FAM171A1: variants seen among roughly 807,000 people sequenced by gnomAD.
FAM171A1 encodes the protein protein FAM171A1.
A neutral mutation model predicts 74.9 loss-of-function variants in FAM171A1; 23 were observed. The observed-to-expected ratio is 0.31, with a 90% CI of 0.22 to 0.44. The LOEUF is 0.44. Among genes scored for constraint, FAM171A1 ranks in the 20% least tolerant of loss-of-function variants. FAM171A1 has a pLI of 1.00. For synonymous variants in FAM171A1, 527 were observed against 505.7 expected (o/e 1.04, Z -0.57); for missense variants, 1,162 against 1,159.2 (o/e 1.00, Z -0.03).
chr10:15,272,959 C>A (rs1004921087), intron 3 of FAM171A1, among the ~76,000 whole-genome samples: 6 of 152,106 alleles, frequency 3.9e-5, no homozygotes, highest in African/African-American at 1.4e-4. Flanking sequence ...AAAATTGACA[C>A]CCTAACATCA....
rs1231853744 is a variant in FAM171A1 at position 15,334,143 on chromosome 10, T to G, written c.97+36813A>C. Among the ~76,000 whole-genome samples, 10 of 152,342 alleles carry G rather than the reference T, an allele frequency of 6.6e-5. No individual in the cohort carries two copies. The East Asian group carries it at 1.9e-3, about 29-fold the overall frequency. ...TGGCTTCATTATTCTGGCCTAAGAC[T>G]AGGACTTCTCTTTACATATCCCCTT... On this transcript the variant is annotated intron_variant, in intron 1 of 7. Transcript: ENST00000378116.
chr10:15,217,158 G>A (rs947602439), intron 6 of FAM171A1, among the ~76,000 whole-genome samples: 5 of 152,110 alleles, frequency 3.3e-5, no homozygotes, highest in African/African-American at 1.2e-4. Context: ...AATCCCAAGA[G>A]GTAGCTTAAC....
chr10:15,231,344 C>T (rs1433404665), intron 5 of FAM171A1, among the ~76,000 whole-genome samples: 1 of 152,050 alleles, frequency 6.6e-6, no homozygotes, highest in Non-Finnish European at 1.5e-5. Context: ...GCTAGGACCA[C>T]AGACACATGC....
chr10:15,267,601 CAAAAAAAAA>C (rs71390026), intron 3 of FAM171A1, among the ~76,000 whole-genome samples: 6 of 53,346 alleles, frequency 1.1e-4, no homozygotes, highest in Non-Finnish European at 1.2e-4. Flanking sequence ...GACACCATCG[CAAAAAAAAA>C]AAAAAAAAAA....
chr10:15,312,107 C>T (rs1835366192), intron 1 of FAM171A1, among the ~76,000 whole-genome samples: 1 of 152,232 alleles, frequency 6.6e-6, no homozygotes. Flanking sequence ...AAATCTCGTG[C>T]ACTTCCTATT....
intron 1 of FAM171A1, among the ~76,000 whole-genome samples, chr10:15,338,281 G>A (rs972032033): frequency 6.6e-6 from 1 of 152,034 alleles, no homozygotes; most frequent in Admixed American, 6.6e-5. Context: ...AAATCAAACC[G>A]GGAAGAGTTG....
At chr10:15,240,648 TTC>T in intron 5 of FAM171A1, 1 of 927,194 alleles carries the variant, frequency 1.1e-6, no homozygotes, top group Non-Finnish European at 1.3e-6. Context: ...GCATCTCTAG[TTC>T]TCTCTCCTAA....
intron 1 of FAM171A1, among the ~76,000 whole-genome samples, chr10:15,347,679 T>C (rs575870298): frequency 1.3e-5 from 2 of 151,346 alleles, no homozygotes; most frequent in Non-Finnish European, 2.9e-5. Flanking sequence ...CTACTAAAAA[T>C]ACAAAAATTA....
At chr10:15,364,280 C>A (rs1265733002) in intron 1 of FAM171A1, among the ~76,000 whole-genome samples, 2 of 152,118 alleles carry the variant, frequency 1.3e-5, no homozygotes, top group Non-Finnish European at 2.9e-5. Flanking sequence ...AGGAACACAG[C>A]ACACTCAATG....
chr10:15,367,998 T>G lies in FAM171A1; in HGVS notation c.97+2958A>C, dbSNP rs190085891. Among the ~76,000 whole-genome samples the G allele has an allele frequency of 3.5e-4, 53 of 152,250 alleles. 1 individual carries two copies. Among genetic ancestry groups the G allele is most frequent in the Admixed American group, 2.9e-3 (44 of 15,286 alleles). On this transcript the variant is annotated intron_variant, in intron 1 of 7. Transcript: ENST00000378116. ...TCTATTGAACCCAGCCTCATTACAG[T>G]TTTGCAAAAGAGGTGAAGAAAATCA...
At chr10:15,289,473 ACT>A (rs994628815) in intron 1 of FAM171A1, among the ~76,000 whole-genome samples, 6 of 152,062 alleles carry the variant, frequency 3.9e-5, no homozygotes, top group African/African-American at 1.4e-4. Context: ...TTGACTGCAA[ACT>A]CTGCATCTCA....
chr10:15,297,465 C>A (rs933687501), intron 1 of FAM171A1, among the ~76,000 whole-genome samples: 3 of 152,126 alleles, frequency 2.0e-5, no homozygotes, highest in Non-Finnish European at 2.9e-5. Flanking sequence ...GCAGTGCTAC[C>A]AGGATATCTC....
chr10:15,226,136 A>G (rs1588497723), intron 5 of FAM171A1, among the ~76,000 whole-genome samples: 1 of 152,252 alleles, frequency 6.6e-6, no homozygotes, highest in East Asian at 1.9e-4. Context: ...GCAGGACCCT[A>G]CAGCCTCCTC....
chr10:15,353,318 T>C lies in FAM171A1; in HGVS notation c.97+17638A>G, dbSNP rs765441262. The stretch of plus-strand genomic sequence containing the variant: ...TGACGCCGCCCTTTGGAAGCAGATA[T>C]TGACTTTTTGTATCACAATACTTGG... On this transcript the variant is annotated intron_variant, in intron 1 of 7. Transcript: ENST00000378116. Among the ~76,000 whole-genome samples the C allele has an allele frequency of 4.5e-4, 69 of 152,330 alleles. No homozygotes were observed. The Middle Eastern group carries it at 0.01, about 23-fold the overall frequency.
intron 1 of FAM171A1, among the ~76,000 whole-genome samples, chr10:15,360,979 T>C (rs1170807236): frequency 1.3e-5 from 2 of 152,196 alleles, no homozygotes; most frequent in East Asian, 1.9e-4. Context: ...GTAACTGCCA[T>C]AGTTACTGGC....
At chr10:15,219,015 G>A (rs1340172730) in intron 6 of FAM171A1, among the ~76,000 whole-genome samples, 1 of 152,170 alleles carries the variant, frequency 6.6e-6, no homozygotes, top group Non-Finnish European at 1.5e-5. Flanking sequence ...AGGCGCAGTG[G>A]CTCATGCCTG....
chr10:15,224,738 C>T (rs570951721), intron 5 of FAM171A1, among the ~76,000 whole-genome samples: 55 of 152,278 alleles, frequency 3.6e-4, no homozygotes, highest in Non-Finnish European at 7.2e-4. Flanking sequence ...TGTGAGGCCT[C>T]CCCAGCCATG....
At chr10:15,239,084 C>T (rs1416835883) in intron 5 of FAM171A1, among the ~76,000 whole-genome samples, 1 of 152,168 alleles carries the variant, frequency 6.6e-6, no homozygotes, top group East Asian at 1.9e-4. Context: ...ACCTGTACAT[C>T]AGACAGCCAT....
intron 7 of FAM171A1, 27 bp downstream of exon 7, chr10:15,215,969 G>T (rs1215979299): frequency 6.8e-7 from 1 of 1,461,510 alleles, no homozygotes; most frequent in Non-Finnish European, 9.3e-7. Context: ...AATTAAAAAA[G>T]ATATTGCCAA....
Sources: allele counts gnomAD v4.1 joint callset (sites outside exome capture counted in the v4.1 genomes callset), GRCh38; gene constraint gnomAD v4.1.1; transcripts MANE v1.5; gene names NCBI Gene and HGNC (gene_info 2026-07-23, HGNC 2026-07-21).